Variants in RCOR3 observed in about 807,000 individuals in gnomAD.
RCOR3 encodes the protein REST corepressor 3.
RCOR3 carries 13 observed loss-of-function variants against 64.1 expected under a neutral mutation model. The observed-to-expected ratio is 0.20, with a 90% CI of 0.13 to 0.32. RCOR3 has a LOEUF of 0.32. Ranked by LOEUF, RCOR3 falls within the 10% of genes least tolerant of loss-of-function variation. RCOR3 has a pLI of 1.00. For missense variants in RCOR3, 489 were observed against 701.2 expected, an observed-to-expected ratio of 0.70 and a Z score of 3.42; for synonymous variants, 215 against 239.0, an observed-to-expected ratio of 0.90 and a Z score of 0.93.
In RCOR3 at chr1:211,312,897, T is replaced by C. The variant is rs747808114; in HGVS notation, c.1253T>C (p.Leu418Ser). ...GCTTCTAATGGTGATGCTTCTACTT[T>C]AGGGGAGGAGACAAAAAGTGCTTCT... ...TQASNGDAST[L>S]GEETKSASNV... The change falls in exon 11 of 12, where the codon TTA becomes TCA. Residue 418 changes from leucine to serine, a missense_variant. Physicochemically the swap from Leu to Ser is moderately radical, Grantham distance 145. Transcript: ENST00000419091. This position sits in a 1 kb window ranked among gnomAD's most constrained non-coding sequence, Gnocchi z 5.0. 3.3e-5 allele frequency: 53 copies of C among 1,614,034 alleles called. No individual in the cohort carries two copies. The highest frequency in any genetic ancestry group is 4.1e-5 in the Non-Finnish European group (48 of 1,180,030).
intron 4 of RCOR3, among the ~76,000 whole-genome samples, chr1:211,275,206 G>A (rs749417337): frequency 2.0e-5 from 3 of 151,914 alleles, no homozygotes; most frequent in African/African-American, 4.8e-5. Flanking sequence ...TTTGTTTTAA[G>A]ATAAGTAAGA....
rs180892831 is a variant in RCOR3 at position 211,285,839 on chromosome 1, G to A, written c.721-3339G>A. 7.2e-5 allele frequency among the ~76,000 whole-genome samples: 11 copies of A among 152,296 alleles called. No individual in the cohort carries two copies. In the East Asian group the frequency reaches 2.1e-3, roughly 29 times the overall value. On this transcript the variant is annotated intron_variant, in intron 7 of 11. Transcript: ENST00000419091. ...CTGATCACTCAATTACTGAGAAGTA[G>A]TTTTTTATATGTTGAAGTTAGTGTT...
intron 4 of RCOR3, among the ~76,000 whole-genome samples, chr1:211,275,029 C>T (rs1696764416): frequency 6.6e-6 from 1 of 150,848 alleles, no homozygotes; most frequent in Admixed American, 6.6e-5. Flanking sequence ...ATGTAATACA[C>T]TCTATTATAT....
chr1:211,312,725 C>T lies in RCOR3; in HGVS notation c.1081C>T (p.Arg361Cys). The change falls in exon 11 of 12, where the codon CGC (arginine) becomes TGC (cysteine). Residue 361 changes from arginine (R) to cysteine (C), a missense_variant. Arg to Cys is a radical substitution (Grantham distance 180). This residue lies in a region of RCOR3 where 402 missense variants were observed against 617.0 expected (regional missense o/e 0.65). Coordinates refer to ENST00000419091, the MANE Select transcript of RCOR3 (RefSeq NM_001136223.3). The surrounding 1 kb of genome is among the most constrained non-coding windows in gnomAD (Gnocchi z 5.0). ...TTATTTACTTTGCCTTCCAGGTGTC[C>T]GCAAATATGGTAAAGATTTTCAAGC... is the stretch of plus-strand genomic sequence containing the variant. ...EEQLLAVQGV[R>C]KYGKDFQAIA... The T allele has an allele frequency of 1.9e-6, 3 of 1,613,412 alleles. No individual in the cohort carries two copies. The highest frequency in any genetic ancestry group is 2.5e-6 in the Non-Finnish European group (3 of 1,179,470).
intron 1 of RCOR3, 24 bp from the exon 2 acceptor site, chr1:211,260,084 A>G (rs763614465): frequency 1.3e-6 from 2 of 1,569,314 alleles, no homozygotes; most frequent in African/African-American, 1.4e-5. Flanking sequence ...TTTTTTATAT[A>G]TATTTTTTGG....
intron 2 of RCOR3, 87 bp from the exon 3 acceptor site, chr1:211,271,145 C>A: frequency 8.4e-7 from 1 of 1,187,322 alleles, no homozygotes; most frequent in Non-Finnish European, 1.2e-6. Flanking sequence ...GCATGAGCCA[C>A]CGTGCCTGGG....
rs375542560 is a variant in RCOR3, at chr1:211,313,291, C to A, written c.1318-133C>A. The A allele has an allele frequency of 2.1e-6, 3 of 1,439,314 alleles. No homozygotes were observed. The allele number at this position is 1,439,314 out of a possible 1,614,324, so 89.2% of individuals were successfully genotyped here. The stretch of plus-strand genomic sequence containing the variant: ...TTTAAAATAAAAGAAGCTTGTGCTT[C>A]CAATAAACACTGGTGTTATGTTTTT... On this transcript the variant is annotated intron_variant, in intron 11 of 11. Coordinates refer to ENST00000419091, the MANE Select transcript of RCOR3 (RefSeq NM_001136223.3). The surrounding 1 kb of genome is among the most constrained non-coding windows in gnomAD (Gnocchi z 4.7).
Position 211,259,556 on chromosome 1 carries a change from C to G in RCOR3, c.-5C>G. 1.9e-6 allele frequency: 3 copies of G among 1,547,438 alleles called. No homozygotes were observed. Among genetic ancestry groups the G allele is most frequent in the Non-Finnish European group, 2.6e-6 (3 of 1,145,602 alleles). ...CCCTCACCTTTCCCCCTCCCCTGTT[C>G]TACCATGCCCGGCATGATGGAGAAA... On this transcript the variant is annotated 5_prime_UTR_variant, in exon 1 of 12. Coordinates refer to ENST00000419091, the MANE Select transcript of RCOR3 (RefSeq NM_001136223.3).
intron 5 of RCOR3, among the ~76,000 whole-genome samples, chr1:211,277,172 T>TC (rs1332127536): frequency 1.3e-5 from 2 of 151,802 alleles, no homozygotes; most frequent in Admixed American, 6.6e-5. Flanking sequence ...TTTCTTTCTT[T>TC]TTTTTTTAAT....
chr1:211,282,253 A>T (rs1697909571), intron 7 of RCOR3, among the ~76,000 whole-genome samples: 1 of 152,170 alleles, frequency 6.6e-6, no homozygotes, highest in East Asian at 1.9e-4. Context: ...ACTATGTGTC[A>T]GCAGCTTCAT....
intron 2 of RCOR3, among the ~76,000 whole-genome samples, chr1:211,266,619 A>T (rs139914006): frequency 6.6e-6 from 1 of 152,176 alleles, no homozygotes. Flanking sequence ...CTTCTAAGGC[A>T]TGGTTGTTTT....
chr1:211,271,467 GTTATA>G (rs1696202088), intron 3 of RCOR3, 158 bp downstream of exon 3: 1 of 668,206 alleles, frequency 1.5e-6, no homozygotes. Context: ...AATGGAGGTT[GTTATA>G]TTAGAATGTT....
Position 211,260,041 on chromosome 1 carries a change from T to C in RCOR3, c.167-67T>C, listed in dbSNP as rs1693945289. 6 of 1,490,576 alleles carry C rather than the reference T, an allele frequency of 4.0e-6. No homozygotes were observed. In the South Asian group the frequency reaches 8.2e-5, roughly 20 times the overall value. The allele number at this position is 1,490,576 out of a possible 1,614,324, so 92.3% of individuals were successfully genotyped here. A position where few individuals can be genotyped will look rare whatever the true frequency, so the allele number is the denominator to read the frequency against. Reference sequence around the variant, plus strand: ...TCTAGCGATTTTTATTTTTTAAGTGTCTCTTCCTTTTTCTTTCTTTTCTTC... The same window carrying C: ...TCTAGCGATTTTTATTTTTTAAGTGCCTCTTCCTTTTTCTTTCTTTTCTTC... On this transcript the variant is annotated intron_variant, in intron 1 of 11. Coordinates refer to ENST00000419091, the MANE Select transcript of RCOR3 (RefSeq NM_001136223.3).
At chr1:211,282,454 A>G (rs115396815) in intron 7 of RCOR3, among the ~76,000 whole-genome samples, 2,738 of 152,122 alleles carry the variant, frequency 0.018, 73 homozygotes, top group African/African-American at 0.063. Context: ...TCTACCACTG[A>G]GCTGAAGAAA....
chr1:211,293,118 T>TAAATAAATA (rs374581705), intron 8 of RCOR3, among the ~76,000 whole-genome samples: 36 of 151,276 alleles, frequency 2.4e-4, no homozygotes, highest in South Asian at 8.3e-4. Flanking sequence ...AATAAATAAA[T>TAAATAAATA]AAGTCTTAAT....
At chr1:211,285,840 T>C (rs766848099) in intron 7 of RCOR3, among the ~76,000 whole-genome samples, 7 of 152,220 alleles carry the variant, frequency 4.6e-5, no homozygotes, top group Non-Finnish European at 1.0e-4. Context: ...TGAGAAGTAG[T>C]TTTTTATATG....
chr1:211,304,690 A>G (rs1700693748), intron 10 of RCOR3, among the ~76,000 whole-genome samples: 1 of 152,226 alleles, frequency 6.6e-6, no homozygotes, highest in Non-Finnish European at 1.5e-5. Flanking sequence ...GATATCAAAA[A>G]ATCACATTCA....
chr1:211,300,637 C>T (rs2102628639), intron 9 of RCOR3, among the ~76,000 whole-genome samples: 1 of 152,286 alleles, frequency 6.6e-6, no homozygotes, highest in South Asian at 2.1e-4. Flanking sequence ...TGCACAATCT[C>T]ATTATTTTAC....
intron 10 of RCOR3, among the ~76,000 whole-genome samples, chr1:211,311,877 T>C (rs1220374269): frequency 6.6e-6 from 1 of 152,208 alleles, no homozygotes; most frequent in Non-Finnish European, 1.5e-5. Context: ...TCTCAACTTC[T>C]TAAATCAATT....
Sources: allele counts gnomAD v4.1 joint callset (sites outside exome capture counted in the v4.1 genomes callset), GRCh38; gene constraint gnomAD v4.1.1; regional missense constraint gnomAD v4.1.1; non-coding constraint Gnocchi (gnomAD v3.1); transcripts MANE v1.5; gene names NCBI Gene and HGNC (gene_info 2026-07-23, HGNC 2026-07-21).